CLYBL: variants seen among roughly 807,000 people sequenced by gnomAD.
CLYBL encodes the protein citramalyl-CoA lyase.
In CLYBL, 31 loss-of-function variants were observed where a neutral mutation model predicts 38.9. The ratio of observed to expected loss-of-function variants is 0.80; its 90% CI spans 0.60 to 1.08. CLYBL has a LOEUF of 1.08. CLYBL is among the 50% of genes least tolerant of loss of function. The pLI is 0.00. For synonymous variants in CLYBL, 171 were observed against 158.6 expected (o/e 1.08, Z -0.59); for missense variants, 434 against 411.6 (o/e 1.05, Z -0.47).
At chr13:99,796,149 A>G (rs1024372872) in intron 2 of CLYBL, among the ~76,000 whole-genome samples, 1 of 152,178 alleles carries the variant, frequency 6.6e-6, no homozygotes, top group Non-Finnish European at 1.5e-5. Context: ...AGGAACTTCT[A>G]CTGGTCAGGG....
At chr13:99,677,025 C>T (rs1035989501) in intron 1 of CLYBL, among the ~76,000 whole-genome samples, 1 of 151,524 alleles carries the variant, frequency 6.6e-6, no homozygotes, top group African/African-American at 2.4e-5. Context: ...ACAAATTGTC[C>T]CCTTTTTTTC....
intron 1 of CLYBL, among the ~76,000 whole-genome samples, chr13:99,727,076 T>C (rs1329623918): frequency 1.3e-5 from 2 of 151,920 alleles, no homozygotes; most frequent in African/African-American, 4.8e-5. Context: ...GGTGAATCAC[T>C]TGAACCTGGG....
At chr13:99,679,749 T>G (rs1394024325) in intron 1 of CLYBL, among the ~76,000 whole-genome samples, 2 of 152,044 alleles carry the variant, frequency 1.3e-5, no homozygotes, top group Non-Finnish European at 2.9e-5. Context: ...GGGGGAAATG[T>G]CTGGTAGAAA....
At chr13:99,886,492 G>C (rs1228600212) in intron 7 of CLYBL, among the ~76,000 whole-genome samples, 1 of 152,230 alleles carries the variant, frequency 6.6e-6, no homozygotes, top group Non-Finnish European at 1.5e-5. Flanking sequence ...CGGAAGACAC[G>C]TGTGCTATGG....
At chr13:99,715,003 A>G (rs1322623834) in intron 1 of CLYBL, among the ~76,000 whole-genome samples, 3 of 152,136 alleles carry the variant, frequency 2.0e-5, no homozygotes, top group Non-Finnish European at 2.9e-5. Flanking sequence ...ATAGAGAGTT[A>G]TTTGTGTATG....
chr13:99,756,174 A>G (rs970775026), intron 1 of CLYBL, among the ~76,000 whole-genome samples: 2 of 152,192 alleles, frequency 1.3e-5, no homozygotes, highest in African/African-American at 4.8e-5. Flanking sequence ...ATGTGAAGCA[A>G]CATGATTTTC....
intron 2 of CLYBL, among the ~76,000 whole-genome samples, chr13:99,793,319 C>T (rs1210425692): frequency 1.3e-5 from 2 of 152,110 alleles, no homozygotes; most frequent in African/African-American, 4.8e-5. Flanking sequence ...GAAGGCTCCT[C>T]TCCCAGGTGC....
intron 7 of CLYBL, among the ~76,000 whole-genome samples, chr13:99,872,784 G>A (rs917295896): frequency 1.3e-5 from 2 of 152,196 alleles, no homozygotes; most frequent in Admixed American, 6.5e-5. Context: ...CCAACAAACA[G>A]AAGTCAAACC....
At chr13:99,796,761 A>G (rs1282554352) in intron 2 of CLYBL, among the ~76,000 whole-genome samples, 1 of 152,144 alleles carries the variant, frequency 6.6e-6, no homozygotes, top group African/African-American at 2.4e-5. Flanking sequence ...CCCCATCTCA[A>G]GTTGCCAGGC....
chr13:99,653,130 G>C (rs931509105), intron 1 of CLYBL, among the ~76,000 whole-genome samples: 1 of 152,166 alleles, frequency 6.6e-6, no homozygotes, highest in Non-Finnish European at 1.5e-5. Flanking sequence ...GAAGGGCAAG[G>C]GTTTGTAGAG....
chr13:99,867,677 T>C (rs1040437306), intron 6 of CLYBL, among the ~76,000 whole-genome samples: 2 of 152,192 alleles, frequency 1.3e-5, no homozygotes, highest in Non-Finnish European at 2.9e-5. Context: ...GGTTAGGATG[T>C]GACCCAAATG....
intron 8 of CLYBL, among the ~76,000 whole-genome samples, chr13:99,903,429 CACACAT>C (rs1206071854): frequency 6.6e-6 from 1 of 152,118 alleles, no homozygotes; most frequent in Non-Finnish European, 1.5e-5. Flanking sequence ...CACACGCACA[CACACAT>C]GCACACAGGG....
intron 1 of CLYBL, among the ~76,000 whole-genome samples, chr13:99,703,279 C>CAT (rs1279007629): frequency 4.6e-5 from 7 of 152,172 alleles, no homozygotes; most frequent in South Asian, 2.1e-4. Context: ...TTTAAGTGAC[C>CAT]ATAGCTTCTT....
At chr13:99,864,064 G>A (rs1021004127) in intron 4 of CLYBL, among the ~76,000 whole-genome samples, 1 of 152,134 alleles carries the variant, frequency 6.6e-6, no homozygotes, top group African/African-American at 2.4e-5. Context: ...ATAATCAAAA[G>A]CATATCCCTA....
chr13:99,637,345 C>T (rs1191019770), intron 1 of CLYBL, among the ~76,000 whole-genome samples: 3 of 152,226 alleles, frequency 2.0e-5, no homozygotes, highest in Non-Finnish European at 4.4e-5. Context: ...GGAGGTGTAT[C>T]AATCAGTGTT....
At chr13:99,884,373 G>A (rs1485446674) in intron 7 of CLYBL, among the ~76,000 whole-genome samples, 3 of 152,144 alleles carry the variant, frequency 2.0e-5, no homozygotes, top group African/African-American at 7.2e-5. Flanking sequence ...CCCAGAGAGA[G>A]CCATCATGTG....
intron 5 of CLYBL, 103 bp from the exon 6 acceptor site, chr13:99,866,137 C>T: frequency 1.7e-6 from 2 of 1,151,170 alleles, no homozygotes; most frequent in Non-Finnish European, 2.5e-6. Context: ...GAGCAATTTC[C>T]AGGGAGGTTT....
chr13:99,688,163 C>G (rs1263774068), intron 1 of CLYBL, among the ~76,000 whole-genome samples: 2 of 151,940 alleles, frequency 1.3e-5, no homozygotes, highest in Non-Finnish European at 2.9e-5. Flanking sequence ...TAGTGAAAAC[C>G]TAGAAACCAC....
chr13:99,731,114 G>A (rs887833418), intron 1 of CLYBL, among the ~76,000 whole-genome samples: 1 of 150,952 alleles, frequency 6.6e-6, no homozygotes, highest in East Asian at 1.9e-4. Flanking sequence ...AAAGGCGGGG[G>A]CTTGGAGAGG....
Sources: gnomAD v4.1 joint callset for allele counts (sites outside exome capture counted in the v4.1 genomes callset) on GRCh38, gnomAD v4.1.1 for gene constraint, MANE v1.5 for transcripts, NCBI Gene and HGNC (gene_info 2026-07-23, HGNC 2026-07-21) for gene names.